The following TMLHE variants were observed in gnomAD, a reference collection of about 807,000 sequenced individuals.
TMLHE encodes trimethyllysine dioxygenase, mitochondrial.
TMLHE carries 18 observed loss-of-function variants against 25.7 expected under a neutral mutation model. The ratio of observed to expected loss-of-function variants is 0.70; its 90% CI spans 0.48 to 1.04. TMLHE has a LOEUF of 1.04. TMLHE is among the 50% of genes least tolerant of loss of function. The pLI is 0.00. For missense variants in TMLHE, 236 were observed against 259.0 expected, an observed-to-expected ratio of 0.91 and a Z score of 0.61; for synonymous variants, 105 against 97.0, an observed-to-expected ratio of 1.08 and a Z score of -0.49.
intron 1 of TMLHE, among the ~76,000 whole-genome samples, chrX:155,607,053 TG>T (rs1307164523): frequency 9.0e-6 from 1 of 111,609 alleles, no homozygotes; most frequent in Non-Finnish European, 1.9e-5. Flanking sequence ...AAAGAAGAGC[TG>T]GTACCATTCC....
intron 1 of TMLHE, among the ~76,000 whole-genome samples, chrX:155,548,462 AC>A (rs2067372900): frequency 1.8e-5 from 2 of 109,242 alleles, no homozygotes; most frequent in East Asian, 5.7e-4. Context: ...CAGGCTGGGC[AC>A]GGTGGCTCAT....
chrX:155,531,158 G>T (rs1438281980), intron 2 of TMLHE, among the ~76,000 whole-genome samples: 2 of 112,320 alleles, frequency 1.8e-5, no homozygotes, highest in Non-Finnish European at 3.8e-5. Context: ...GGATGAAAAT[G>T]AGGCTTTTTG....
At chrX:155,586,942 A>T (rs1400307412) in intron 1 of TMLHE, among the ~76,000 whole-genome samples, 4 of 112,331 alleles carry the variant, frequency 3.6e-5, no homozygotes, top group Non-Finnish European at 7.5e-5. Context: ...GTGTATAAAG[A>T]ACAACTAATA....
intron 1 of TMLHE, among the ~76,000 whole-genome samples, chrX:155,549,511 G>T (rs1231287682): frequency 2.7e-5 from 3 of 110,253 alleles, no homozygotes; most frequent in Non-Finnish European, 5.7e-5. Context: ...TTCTAGTAAA[G>T]TGGTTAATTA....
chrX:155,578,648 G>T (rs2067606037), intron 1 of TMLHE, among the ~76,000 whole-genome samples: 1 of 111,693 alleles, frequency 9.0e-6, no homozygotes, highest in Non-Finnish European at 1.9e-5. Context: ...ACAGGGGCCT[G>T]AGAACCTGCC....
intron 1 of TMLHE, among the ~76,000 whole-genome samples, chrX:155,567,444 G>A (rs2067514814): frequency 3.3e-5 from 2 of 61,419 alleles, no homozygotes; most frequent in African/African-American, 7.2e-5. Flanking sequence ...AAAATAAAAC[G>A]AAACAAGCTA....
At chrX:155,510,977 G>C (rs782283911) in intron 5 of TMLHE, among the ~76,000 whole-genome samples, 1 of 110,607 alleles carries the variant, frequency 9.0e-6, no homozygotes, top group East Asian at 2.9e-4. Flanking sequence ...TTGTGGTTTT[G>C]ATTTGCATTT....
At chrX:155,551,982 G>A (rs782517444) in intron 1 of TMLHE, among the ~76,000 whole-genome samples, 1 of 108,748 alleles carries the variant, frequency 9.2e-6, no homozygotes, top group South Asian at 3.8e-4. Context: ...GGTTTTTTTT[G>A]CATTTATTGA....
At chrX:155,587,171 T>C (rs782001071) in intron 1 of TMLHE, among the ~76,000 whole-genome samples, 92 of 111,617 alleles carry the variant, frequency 8.2e-4, no homozygotes, top group African/African-American at 2.9e-3. Flanking sequence ...TACACCACAA[T>C]CAAGTGAGAT....
chrX:155,561,852 C>T (rs1462154830), intron 1 of TMLHE, among the ~76,000 whole-genome samples: 1 of 62,976 alleles, frequency 1.6e-5, no homozygotes, highest in African/African-American at 3.5e-5. Context: ...CATGCTGATG[C>T]AAGGGTTGTG....
intron 4 of TMLHE, among the ~76,000 whole-genome samples, chrX:155,513,046 C>A (rs1023857762): frequency 9.0e-6 from 1 of 111,285 alleles, no homozygotes; most frequent in Non-Finnish European, 1.9e-5. Context: ...CACTTACCAG[C>A]ACAGTTTCTT....
chrX:155,510,517 G>A (rs1229221750), intron 5 of TMLHE, among the ~76,000 whole-genome samples: 1 of 104,026 alleles, frequency 9.6e-6, no homozygotes, highest in Admixed American at 1.1e-4. Flanking sequence ...TGTTGTTCTT[G>A]TGATAGTTTG....
intron 5 of TMLHE, 68 bp from the exon 6 acceptor site, chrX:155,507,202 A>G (rs1279504748): frequency 5.9e-6 from 4 of 679,240 alleles, no homozygotes; most frequent in Non-Finnish European, 9.0e-6. Flanking sequence ...TAGAAATTAT[A>G]TATAAAATGA....
At chrX:155,548,537 C>G (rs868995183) in intron 1 of TMLHE, among the ~76,000 whole-genome samples, 1 of 106,832 alleles carries the variant, frequency 9.4e-6, no homozygotes, top group Admixed American at 9.7e-5. Context: ...AGTATGAGGC[C>G]AGCCTGACTA....
At chrX:155,524,321 A>C (rs2067206140) in intron 3 of TMLHE, 135 bp downstream of exon 3, 1 of 551,129 alleles carries the variant, frequency 1.8e-6, no homozygotes. Context: ...AAAATGTTTC[A>C]AAAAATCCTT....
intron 1 of TMLHE, among the ~76,000 whole-genome samples, chrX:155,580,400 A>AAT (rs2067618436): frequency 8.9e-6 from 1 of 112,017 alleles, no homozygotes; most frequent in Non-Finnish European, 1.9e-5. Context: ...AATGTAAATT[A>AAT]ATATAACCTC....
chrX:155,524,699 A>C (rs1226117295), intron 2 of TMLHE, 67 bp from the exon 3 acceptor site: 12 of 1,026,861 alleles, frequency 1.2e-5, no homozygotes, highest in South Asian at 3.1e-5. Flanking sequence ...GCATCCAGAA[A>C]ACTTCCTTCT....
At chrX:155,516,172 C>G (rs1389121241) in intron 3 of TMLHE, among the ~76,000 whole-genome samples, 1 of 41,038 alleles carries the variant, frequency 2.4e-5, no homozygotes, top group Non-Finnish European at 4.5e-5. Context: ...CCCCCCTCCC[C>G]CGACCCCACC....
chrX:155,540,742 C>T (rs904140331), intron 2 of TMLHE, among the ~76,000 whole-genome samples: 1 of 110,509 alleles, frequency 9.0e-6, no homozygotes, highest in Non-Finnish European at 1.9e-5. Flanking sequence ...GAAAGGATGC[C>T]CACCCTCAAT....
Sources: gnomAD v4.1 joint callset for allele counts (sites outside exome capture counted in the v4.1 genomes callset) on GRCh38, gnomAD v4.1.1 for gene constraint, MANE v1.5 for transcripts, NCBI Gene and HGNC (gene_info 2026-07-23, HGNC 2026-07-21) for gene names.